The following NTSR1 variants were observed in gnomAD, a reference collection of about 807,000 sequenced individuals.
NTSR1 encodes the protein neurotensin receptor 1, also known as neurotensin receptor type 1.
In NTSR1, 29 loss-of-function variants were observed where a neutral mutation model predicts 31.2. The ratio of observed to expected loss-of-function variants is 0.93; its 90% CI spans 0.69 to 1.27. The LOEUF is 1.27. Ranked by LOEUF, NTSR1 falls within the 50% of genes most tolerant of loss-of-function variation. The probability of loss-of-function intolerance (pLI) is 0.00; values close to 1 mark genes in which losing one functional copy is unlikely to be tolerated. For missense variants in NTSR1, 697 were observed against 595.4 expected, an observed-to-expected ratio of 1.17 and a Z score of -1.78; for synonymous variants, 282 against 269.9, an observed-to-expected ratio of 1.04 and a Z score of -0.44.
chr20:62,738,780 T>C (rs1989151347), intron 1 of NTSR1, among the ~76,000 whole-genome samples: 1 of 152,210 alleles, frequency 6.6e-6, no homozygotes, highest in South Asian at 2.1e-4. Flanking sequence ...TTGCTGCTCT[T>C]GGCAGCAGAG....
At chr20:62,752,713 C>T (rs1179255816) in intron 1 of NTSR1, among the ~76,000 whole-genome samples, 1 of 152,206 alleles carries the variant, frequency 6.6e-6, no homozygotes, top group Non-Finnish European at 1.5e-5. Flanking sequence ...GCTGTTTAAA[C>T]TATCCCCGGG....
At chr20:62,756,224 G>A (rs1989510866) in intron 2 of NTSR1, among the ~76,000 whole-genome samples, 1 of 152,182 alleles carries the variant, frequency 6.6e-6, no homozygotes, top group South Asian at 2.1e-4. Flanking sequence ...TGGCAGCTGG[G>A]AGGGGCTCTC....
intron 1 of NTSR1, among the ~76,000 whole-genome samples, chr20:62,740,268 C>T (rs1159743208): frequency 6.6e-6 from 1 of 152,250 alleles, no homozygotes; most frequent in Non-Finnish European, 1.5e-5. Context: ...CGGGCTCATT[C>T]GCAGCCATAG....
chr20:62,754,932 T>C, intron 2 of NTSR1, 46 bp downstream of exon 2: 4 of 1,518,972 alleles, frequency 2.6e-6, no homozygotes, highest in Non-Finnish European at 3.5e-6. Flanking sequence ...AGGCCAGGGC[T>C]AGCAAAGGCA....
Position 62,726,891 on chromosome 20 carries a change from G to A in NTSR1, c.714+16970G>A, listed in dbSNP as rs137939601. ...GGCACTTCCTGCCCAGGATTCCAAT[G>A]TGGCCCCATCCACACTGGGATGGTT... On this transcript the variant is annotated intron_variant, in intron 1 of 3. Coordinates refer to ENST00000370501, the MANE Select transcript of NTSR1 (RefSeq NM_002531.3). Among the ~76,000 whole-genome samples, 837 of 152,252 alleles carry A rather than the reference G, an allele frequency of 5.5e-3. 18 individuals carry two copies. The highest frequency in any genetic ancestry group is 0.035 in the South Asian group (170 of 4,816).
At chr20:62,709,961 C>T in intron 1 of NTSR1, 40 bp downstream of exon 1, 6 of 1,473,076 alleles carry the variant, frequency 4.1e-6, no homozygotes, top group Non-Finnish European at 4.6e-6. Flanking sequence ...CCCTCTCCTT[C>T]ACCCCAAAAG....
At position 62,709,601 on chromosome 20, in the gene NTSR1, C is replaced by T. The variant is rs906078188; in HGVS notation, c.394C>T (p.His132Tyr). The change falls in exon 1 of 4, where the codon CAC (histidine) becomes TAC (tyrosine). Residue 132 changes from histidine to tyrosine, a missense_variant. Coordinates refer to ENST00000370501, the MANE Select transcript of NTSR1 (RefSeq NM_002531.3). The part of the protein sequence containing the change: ...VELYNFIWVH[H>Y]PWAFGDAGCR... ...GCTGTACAACTTCATCTGGGTGCAC[C>T]ACCCCTGGGCCTTCGGCGACGCCGG... 1 of 1,611,670 alleles carries T rather than the reference C, an allele frequency of 6.2e-7. No individual in the cohort carries two copies. Among genetic ancestry groups the T allele is most frequent in the Non-Finnish European group, 8.5e-7 (1 of 1,179,898 alleles).
chr20:62,739,945 G>A (rs1481557189), intron 1 of NTSR1, among the ~76,000 whole-genome samples: 1 of 152,228 alleles, frequency 6.6e-6, no homozygotes, highest in East Asian at 1.9e-4. Flanking sequence ...AAGTTAAGTC[G>A]TGCTGGGACT....
At chr20:62,728,535 C>A (rs1259643511) in intron 1 of NTSR1, among the ~76,000 whole-genome samples, 1 of 152,212 alleles carries the variant, frequency 6.6e-6, no homozygotes, top group African/African-American at 2.4e-5. Context: ...CTTAACATCC[C>A]CTTGGCAAGG....
At chr20:62,734,706 A>G (rs34155983) in intron 1 of NTSR1, among the ~76,000 whole-genome samples, 12,113 of 152,286 alleles carry the variant, frequency 0.08, 1,191 homozygotes, top group East Asian at 0.31. Context: ...GATGAGCTTC[A>G]GCCTGAAATC....
intron 1 of NTSR1, among the ~76,000 whole-genome samples, chr20:62,718,108 C>G (rs1022788775): frequency 6.6e-6 from 1 of 152,106 alleles, no homozygotes; most frequent in Non-Finnish European, 1.5e-5. Context: ...GTGGCCGGAG[C>G]GGAGGGAGCA....
At chr20:62,753,992 C>A (rs868094643) in intron 1 of NTSR1, among the ~76,000 whole-genome samples, 4 of 152,220 alleles carry the variant, frequency 2.6e-5, no homozygotes, top group Non-Finnish European at 5.9e-5. Flanking sequence ...GGCACAGCCC[C>A]CCTTGCGCTG....
intron 1 of NTSR1, among the ~76,000 whole-genome samples, chr20:62,724,695 G>A (rs1988876597): frequency 6.6e-6 from 1 of 152,228 alleles, no homozygotes; most frequent in African/African-American, 2.4e-5. Flanking sequence ...TCTTGGGGCT[G>A]CAGAGGCTCA....
rs1467739517 is a variant in NTSR1, at chr20:62,732,972, G to T, written c.715-21713G>T. On this transcript the variant is annotated intron_variant, in intron 1 of 3. Coordinates refer to ENST00000370501, the MANE Select transcript of NTSR1 (RefSeq NM_002531.3). The surrounding 1 kb of genome is among the most constrained non-coding windows in gnomAD (Gnocchi z 4.0). Reference sequence around the variant, plus strand: ...ACGGCGCTGACGTCGCCTAAAGGGGGTTCCCAGCTGGCAGCCTCCAGGTGC... The same window carrying T: ...ACGGCGCTGACGTCGCCTAAAGGGGTTTCCCAGCTGGCAGCCTCCAGGTGC... 1 of 151,996 alleles carries T rather than the reference G, an allele frequency of 6.6e-6. No individual in the cohort carries two copies. The highest frequency in any genetic ancestry group is 2.4e-5 in the African/African-American group (1 of 41,380). 9.4% of individuals were successfully genotyped at this position (151,996 alleles called of 1,614,324 possible).
At position 62,762,214 on chromosome 20, in the gene NTSR1, T is replaced by A. The variant is rs531828012; in HGVS notation, c.*1947T>A. ...CAGACAGGGCAGCCTCAGACCCTTC[T>A]CTGGGGCTCCTGGACCTTGGGCCAT... On this transcript the variant is annotated 3_prime_UTR_variant, in exon 4 of 4. Coordinates refer to ENST00000370501, the MANE Select transcript of NTSR1 (RefSeq NM_002531.3). The A allele has an allele frequency of 6.6e-6, 1 of 152,356 alleles. No individual in the cohort carries two copies. Among genetic ancestry groups the A allele is most frequent in the Admixed American group, 6.5e-5 (1 of 15,304 alleles). The allele number at this position is 152,356 out of a possible 1,614,324, so 9.4% of individuals were successfully genotyped here.
At chr20:62,727,505 C>T (rs1600723465) in intron 1 of NTSR1, among the ~76,000 whole-genome samples, 1 of 152,220 alleles carries the variant, frequency 6.6e-6, no homozygotes, top group African/African-American at 2.4e-5. Context: ...CTGCACCTTG[C>T]CCGGCCGCCG....
chr20:62,730,985 T>C (rs538072726), intron 1 of NTSR1, among the ~76,000 whole-genome samples: 3 of 152,378 alleles, frequency 2.0e-5, no homozygotes, highest in African/African-American at 7.2e-5. Context: ...CACTCCTTTA[T>C]CAAGTATTTT....
rs1188795302 is a variant in NTSR1, at chr20:62,711,045, C to T, written c.714+1124C>T. 6.6e-6 allele frequency among the ~76,000 whole-genome samples: 1 copy of T among 152,182 alleles called. No individual in the cohort carries two copies. Among genetic ancestry groups the T allele is most frequent in the African/African-American group, 2.4e-5 (1 of 41,440 alleles). ...TGGGCACCCCGCGTATGCCAGTATG[C>T]CCGGTGGGGGTGAGGGCAGCAGTGC... On this transcript the variant is annotated intron_variant, in intron 1 of 3. Transcript: ENST00000370501. This position sits in a 1 kb window ranked among gnomAD's most constrained non-coding sequence, Gnocchi z 6.4.
At position 62,711,506 on chromosome 20, in the gene NTSR1, G is replaced by A. The variant is rs1188549664; in HGVS notation, c.714+1585G>A. Among the ~76,000 whole-genome samples the A allele has an allele frequency of 2.0e-5, 3 of 151,966 alleles. No homozygotes were observed. Among genetic ancestry groups the A allele is most frequent in the African/African-American group, 7.3e-5 (3 of 41,354 alleles). ...GAAGGTGGGCAGTGGAGGGGTCAGC[G>A]CTGTCACTGCCCACCCAGGAGATGC... On this transcript the variant is annotated intron_variant, in intron 1 of 3. Coordinates refer to ENST00000370501, the MANE Select transcript of NTSR1 (RefSeq NM_002531.3). The surrounding 1 kb of genome is among the most constrained non-coding windows in gnomAD (Gnocchi z 6.4).
Sources: allele counts gnomAD v4.1 joint callset (sites outside exome capture counted in the v4.1 genomes callset), GRCh38; gene constraint gnomAD v4.1.1; non-coding constraint Gnocchi (gnomAD v3.1); transcripts MANE v1.5; gene names NCBI Gene and HGNC (gene_info 2026-07-23, HGNC 2026-07-21).